ZNF540: variants seen among roughly 807,000 people sequenced by gnomAD.
ZNF540 encodes the protein zinc finger protein 540, also known as CTD-3064H18.6.
ZNF540 carries 3 observed loss-of-function variants against 11.8 expected under a neutral mutation model. The observed-to-expected ratio is 0.25, with a 90% CI of 0.12 to 0.65. The LOEUF (loss-of-function observed/expected upper bound fraction) is 0.65, where lower values mean the gene tolerates loss of function less well. ZNF540 is among the 30% of genes least tolerant of loss of function. The pLI, the probability that ZNF540 is intolerant of heterozygous loss-of-function variation, is 0.83. For missense variants in ZNF540, 709 were observed against 793.1 expected, an observed-to-expected ratio of 0.89 and a Z score of 1.27; for synonymous variants, 247 against 259.0, an observed-to-expected ratio of 0.95 and a Z score of 0.45.
chr19:37,574,053 T>C (rs886077007), intron 1 of ZNF540, among the ~76,000 whole-genome samples: 3 of 152,192 alleles, frequency 2.0e-5, no homozygotes, highest in African/African-American at 4.8e-5. Flanking sequence ...CTGAAACATA[T>C]ACTTTTTCTA....
At chr19:37,596,792 G>T (rs755351202) in intron 1 of ZNF540, among the ~76,000 whole-genome samples, 3 of 152,076 alleles carry the variant, frequency 2.0e-5, no homozygotes, top group Admixed American at 6.6e-5. Flanking sequence ...TTTTACTCCA[G>T]TTTAACATGT....
At chr19:37,568,610 G>A (rs958599583) in intron 1 of ZNF540, among the ~76,000 whole-genome samples, 9 of 152,120 alleles carry the variant, frequency 5.9e-5, no homozygotes, top group Non-Finnish European at 1.0e-4. Flanking sequence ...TGAGAACACA[G>A]GATGGTGCTA....
At chr19:37,592,457 C>T (rs565566749), upstream of ZNF540, among the ~76,000 whole-genome samples, 60 of 152,256 alleles carry the variant, frequency 3.9e-4, no homozygotes, top group African/African-American at 1.3e-3. Context: ...CTTTGGAGGA[C>T]CACAGATCAT....
At chr19:37,594,718 T>A (rs926089495), upstream of ZNF540, 1 of 152,192 alleles carries the variant, frequency 6.6e-6, no homozygotes, top group Non-Finnish European at 1.5e-5. Flanking sequence ...TGCGAGCGGT[T>A]CCCGGTGAGG....
At chr19:37,591,114 C>T (rs555956705), upstream of ZNF540, among the ~76,000 whole-genome samples, 2 of 152,216 alleles carry the variant, frequency 1.3e-5, no homozygotes, top group African/African-American at 4.8e-5. Flanking sequence ...AGCTTTGTTC[C>T]CTGAAATGGC....
chr19:37,565,880 A>G, intron 1 of ZNF540: 1 of 1,613,912 alleles, frequency 6.2e-7, no homozygotes. Context: ...CTGATGTTGA[A>G]TATAGCTTGG....
intron 1 of ZNF540, among the ~76,000 whole-genome samples, chr19:37,573,232 T>C (rs2043128970): frequency 6.6e-6 from 1 of 152,034 alleles, no homozygotes; most frequent in Non-Finnish European, 1.5e-5. Context: ...AACACAAACA[T>C]AGCAGCCTCC....
intron 4 of ZNF540, among the ~76,000 whole-genome samples, chr19:37,602,967 G>A (rs577084115): frequency 6.6e-6 from 1 of 151,554 alleles, no homozygotes; most frequent in Admixed American, 6.6e-5. Context: ...CTAGATAAGA[G>A]GTTAGTAGCT....
At chr19:37,578,351 A>C (rs1003554540) in intron 1 of ZNF540, among the ~76,000 whole-genome samples, 3 of 152,160 alleles carry the variant, frequency 2.0e-5, no homozygotes, top group African/African-American at 7.2e-5. Flanking sequence ...TAACATGGTG[A>C]AACGGTGAGA....
chr19:37,612,744 T>C lies in ZNF540; in HGVS notation c.1464T>C (p.Ile488=), dbSNP rs772586777. Residue 488 remains isoleucine, a synonymous_variant, in exon 5 of 5, where the codon ATT becomes ATC. Coordinates refer to ENST00000316433, the MANE Select transcript of ZNF540 (RefSeq NM_001172225.3). ...VRSQISLHKK[I]HTDVKPYKCV... is the part of the protein sequence containing the mutation. ...CTCAAATTAGTCTACATAAGAAAATTCATACTGATGTGAAGCCCTACAAAT... is the reference window on the plus strand; with the variant it reads ...CTCAAATTAGTCTACATAAGAAAATCCATACTGATGTGAAGCCCTACAAAT... The C allele has an allele frequency of 5.6e-6, 9 of 1,614,068 alleles. No individual in the cohort carries two copies. Among genetic ancestry groups the C allele is most frequent in the Non-Finnish European group, 6.8e-6 (8 of 1,179,976 alleles).
intron 1 of ZNF540, among the ~76,000 whole-genome samples, chr19:37,560,178 T>C (rs1260538964): frequency 6.6e-6 from 1 of 151,600 alleles, no homozygotes; most frequent in African/African-American, 2.4e-5. Flanking sequence ...CTCAGGAGGC[T>C]GAGGCAGGAG....
chr19:37,553,410 G>A (rs938221572), intron 1 of ZNF540, among the ~76,000 whole-genome samples: 4 of 151,928 alleles, frequency 2.6e-5, no homozygotes, highest in Non-Finnish European at 5.9e-5. Context: ...TGGCATTACA[G>A]GCATCAGCCA....
At position 37,612,534 on chromosome 19, in the gene ZNF540, G is replaced by A. The variant is rs774858639; in HGVS notation, c.1254G>A (p.Lys418=). ...IKPFACKVCE[K]AFSYSGDLRV... ...CTTTTGCATGTAAGGTGTGTGAGAA[G>A]GCTTTTAGTTATAGTGGTGACCTCA... The change falls in exon 5 of 5, where the codon AAG becomes AAA. Residue 418 remains lysine (K), a synonymous_variant. Transcript: ENST00000316433. 1.2e-6 allele frequency: 2 copies of A among 1,614,076 alleles called. No homozygotes were observed. Among genetic ancestry groups the A allele is most frequent in the Non-Finnish European group, 1.7e-6 (2 of 1,180,006 alleles).
At chr19:37,554,031 T>C (rs1568333531) in intron 1 of ZNF540, among the ~76,000 whole-genome samples, 2 of 152,238 alleles carry the variant, frequency 1.3e-5, no homozygotes, top group African/African-American at 4.8e-5. Flanking sequence ...GGAGTACACA[T>C]GCAGGTTTGT....
chr19:37,608,221 G>T (rs936491286), intron 4 of ZNF540, among the ~76,000 whole-genome samples: 15 of 152,004 alleles, frequency 9.9e-5, no homozygotes, highest in Admixed American at 9.2e-4. Context: ...TATCTGTTCT[G>T]TTTCCTTCAG....
chr19:37,582,560 C>A (rs1451571510), intron 1 of ZNF540, among the ~76,000 whole-genome samples: 1 of 152,166 alleles, frequency 6.6e-6, no homozygotes, highest in African/African-American at 2.4e-5. Context: ...AGAGAGTAAT[C>A]CCATATTTAT....
intron 1 of ZNF540, among the ~76,000 whole-genome samples, chr19:37,570,581 C>G (rs1025286110): frequency 1.3e-5 from 2 of 152,180 alleles, no homozygotes; most frequent in African/African-American, 4.8e-5. Flanking sequence ...TGGAGCAACT[C>G]TAATTCAAAC....
In ZNF540 at chr19:37,613,041, C is replaced by T. The variant is rs1568370182; in HGVS notation, c.1761C>T (p.Ala587=). ...KPYKCKECGK[A]FSRSVDLRIH... ...ACAAATGTAAAGAATGTGGGAAGGC[C>T]TTTAGTCGTAGTGTAGACCTTAGAA... The change falls in exon 5 of 5, where the codon GCC becomes GCT. Residue 587 remains alanine (A), a synonymous_variant. Transcript: ENST00000316433. The T allele has an allele frequency of 1.2e-6, 2 of 1,614,028 alleles. No homozygotes were observed. Among genetic ancestry groups the T allele is most frequent in the Non-Finnish European group, 1.7e-6 (2 of 1,179,968 alleles).
chr19:37,573,830 T>A (rs2043149736), intron 1 of ZNF540, among the ~76,000 whole-genome samples: 1 of 149,916 alleles, frequency 6.7e-6, no homozygotes, highest in Non-Finnish European at 1.5e-5. Context: ...GAGATCCTGT[T>A]TCAAAAAAAA....
Sources: allele counts gnomAD v4.1 joint callset (sites outside exome capture counted in the v4.1 genomes callset), GRCh38; gene constraint gnomAD v4.1.1; transcripts MANE v1.5; gene names NCBI Gene and HGNC (gene_info 2026-07-23, HGNC 2026-07-21).